Variants in ORC3 observed in about 807,000 individuals in gnomAD.
The protein encoded by ORC3 is homolog of latheo, Drosophila.
In ORC3, 78 loss-of-function variants were observed where a neutral mutation model predicts 100.7. The observed-to-expected ratio is 0.77, with a 90% CI of 0.65 to 0.94. The LOEUF (loss-of-function observed/expected upper bound fraction) is 0.94. ORC3 is among the 40% of genes least tolerant of loss of function. The probability of loss-of-function intolerance (pLI) is 0.00; values close to 1 mark genes in which losing one functional copy is unlikely to be tolerated. For synonymous variants in ORC3, 295 were observed against 289.3 expected (o/e 1.02, Z -0.20); for missense variants, 789 against 823.9 (o/e 0.96, Z 0.52).
intron 16 of ORC3, among the ~76,000 whole-genome samples, chr6:87,661,436 G>C (rs1770169701): frequency 1.3e-5 from 2 of 152,200 alleles, no homozygotes; most frequent in African/African-American, 4.8e-5. Flanking sequence ...CCTAGAATTA[G>C]AATGAGCAAG....
At chr6:87,628,434 G>A (rs1452933483) in intron 11 of ORC3, among the ~76,000 whole-genome samples, 1 of 152,228 alleles carries the variant, frequency 6.6e-6, no homozygotes, top group African/African-American at 2.4e-5. Context: ...TGGTACAGCT[G>A]ATGAAATACT....
downstream of ORC3, among the ~76,000 whole-genome samples, chr6:87,671,584 C>T (rs1320236459): frequency 6.6e-6 from 1 of 151,854 alleles, no homozygotes; most frequent in East Asian, 1.9e-4. Flanking sequence ...AGGTCAAGCT[C>T]GGGGGCACAC....
intron 12 of ORC3, among the ~76,000 whole-genome samples, chr6:87,635,313 G>A (rs1057220338): frequency 6.6e-6 from 1 of 152,174 alleles, no homozygotes; most frequent in African/African-American, 2.4e-5. Flanking sequence ...AATGCTTGAT[G>A]GTTAACCTTG....
chr6:87,628,136 A>G (rs1780057801), intron 11 of ORC3, among the ~76,000 whole-genome samples: 1 of 152,214 alleles, frequency 6.6e-6, no homozygotes, highest in Admixed American at 6.5e-5. Flanking sequence ...AAAACCAAGC[A>G]CCACATGTTC....
intron 6 of ORC3, among the ~76,000 whole-genome samples, chr6:87,608,563 A>G (rs1330998231): frequency 2.0e-5 from 3 of 152,320 alleles, no homozygotes; most frequent in South Asian, 2.1e-4. Flanking sequence ...AATACTTACC[A>G]TAATACCTGA....
At chr6:87,632,474 T>C (rs1201771297) in intron 11 of ORC3, among the ~76,000 whole-genome samples, 1 of 152,224 alleles carries the variant, frequency 6.6e-6, no homozygotes, top group Admixed American at 6.5e-5. Context: ...CCAGTCTTTT[T>C]CCCCATTGTT....
chr6:87,594,229 G>T, intron 1 of ORC3, 124 bp from the exon 2 acceptor site: 1 of 598,912 alleles, frequency 1.7e-6, no homozygotes, highest in African/African-American at 1.8e-5. Context: ...GAACCTGAAA[G>T]AAATGTGTTC....
At chr6:87,595,014 ATAAAT>A (rs556298389) in intron 2 of ORC3, among the ~76,000 whole-genome samples, 73 of 152,350 alleles carry the variant, frequency 4.8e-4, no homozygotes, top group Admixed American at 4.5e-3. Flanking sequence ...ACTTGGCAAA[ATAAAT>A]TAAAGCAATC....
intron 3 of ORC3, among the ~76,000 whole-genome samples, chr6:87,602,913 T>A (rs201098191): frequency 0.24 from 11,178 of 46,402 alleles, 620 homozygotes; most frequent in African/African-American, 0.37. Flanking sequence ...TATTATATAT[T>A]ATATATATAT....
At chr6:87,604,762 T>G (rs890904745) in intron 4 of ORC3, among the ~76,000 whole-genome samples, 3 of 152,200 alleles carry the variant, frequency 2.0e-5, no homozygotes, top group Non-Finnish European at 4.4e-5. Context: ...TAGACCATAA[T>G]GCATGCTAGG....
At chr6:87,615,569 C>T (rs1486904647) in intron 8 of ORC3, among the ~76,000 whole-genome samples, 2 of 152,136 alleles carry the variant, frequency 1.3e-5, no homozygotes, top group African/African-American at 2.4e-5. Flanking sequence ...GTGGCAAGCA[C>T]CTATAATCCC....
chr6:87,675,447 T>C, the ORC3 span: 1 of 1,076,334 alleles, frequency 9.3e-7, no homozygotes, highest in Non-Finnish European at 1.4e-6. Context: ...CAAAACCAGT[T>C]GCTGCTGCCT....
intron 1 of ORC3, 25 bp from the exon 2 acceptor site, chr6:87,594,328 A>G (rs750249225): frequency 1.9e-6 from 3 of 1,555,940 alleles, no homozygotes; most frequent in South Asian, 1.2e-5. Context: ...CTTTGACTTT[A>G]TGCTTTTCGT....
intron 8 of ORC3, among the ~76,000 whole-genome samples, chr6:87,613,549 C>G (rs1481450170): frequency 6.6e-6 from 1 of 152,170 alleles, no homozygotes; most frequent in Admixed American, 6.5e-5. Flanking sequence ...AGTCCACAGT[C>G]CAAAGTCTCA....
chr6:87,612,164 T>C lies in ORC3; in HGVS notation c.789T>C (p.Leu263=), dbSNP rs201301884. 21 of 1,613,620 alleles carry C rather than the reference T, an allele frequency of 1.3e-5. 1 individual carries two copies. The highest frequency in any genetic ancestry group is 1.8e-5 in the Non-Finnish European group (21 of 1,179,686). The part of the protein sequence containing the change: ...ATSPIIIHRL[L]PHAVSSLLCI... ...CTCCTATTATCATCCACCGATTGCT[T>C]CCTCATGCAGTATCATCTCTATTGT... The change falls in exon 8 of 20, where the codon CTT becomes CTC. Residue 263 remains leucine, a synonymous_variant. Transcript: ENST00000392844.
chr6:87,671,788 C>G (rs186410121), downstream of ORC3, among the ~76,000 whole-genome samples: 351 of 152,232 alleles, frequency 2.3e-3, 2 homozygotes, highest in Non-Finnish European at 4.0e-3. Context: ...CTAAGAGTAA[C>G]AGAGAGGAGA....
downstream of ORC3, among the ~76,000 whole-genome samples, chr6:87,670,028 C>G (rs78133908): frequency 0.025 from 3,832 of 152,312 alleles, 166 homozygotes; most frequent in African/African-American, 0.085. Context: ...GGCACAGATT[C>G]ACTGAGTAGA....
chr6:87,657,023 C>A, intron 15 of ORC3, 41 bp downstream of exon 15: 1 of 1,307,310 alleles, frequency 7.6e-7, no homozygotes, highest in Non-Finnish European at 1.1e-6. Flanking sequence ...TCCTGTGACA[C>A]TCCCTTTTTT....
At chr6:87,676,618 CACACACACAA>C in the ORC3 span, among the ~76,000 whole-genome samples, 2 of 107,772 alleles carry the variant, frequency 1.9e-5, no homozygotes, top group Non-Finnish European at 2.1e-5. Flanking sequence ...CACACACACA[CACACACACAA>C]ACATAGCTGG....
Sources: allele counts gnomAD v4.1 joint callset (sites outside exome capture counted in the v4.1 genomes callset), GRCh38; gene constraint gnomAD v4.1.1; transcripts MANE v1.5; gene names NCBI Gene and HGNC (gene_info 2026-07-23, HGNC 2026-07-21).